Variants in WDR49 observed in about 807,000 individuals in gnomAD.
WDR49 encodes WD repeat domain 49, also known as cilia- and flagella-associated protein 337.
In WDR49, 107 loss-of-function variants were observed where a neutral mutation model predicts 119.5. The ratio of observed to expected loss-of-function variants is 0.90; its 90% CI spans 0.77 to 1.05. The LOEUF (loss-of-function observed/expected upper bound fraction) is 1.05, where lower values mean the gene tolerates loss of function less well. Among genes scored for constraint, WDR49 ranks in the 50% least tolerant of loss-of-function variants. The pLI is 0.00. For missense variants in WDR49, 1,240 were observed against 1,220.5 expected (o/e 1.02, Z -0.24); for synonymous variants, 425 against 418.8 (o/e 1.01, Z -0.18).
At chr3:167,592,593 C>T (rs562826471) in intron 7 of WDR49, among the ~76,000 whole-genome samples, 45 of 152,146 alleles carry the variant, frequency 3.0e-4, no homozygotes, top group South Asian at 8.3e-4. Context: ...CACCACCACG[C>T]CCAGCTAATT....
In WDR49 at chr3:167,527,808, C is replaced by A. The variant is rs1021252949; in HGVS notation, c.2604+12G>T. 2.5e-6 allele frequency: 4 copies of A among 1,607,986 alleles called. No individual in the cohort carries two copies. The highest frequency in any genetic ancestry group is 1.7e-5 in the Admixed American group (1 of 59,048). On this transcript the variant is annotated intron_variant, in intron 15 of 18. Coordinates refer to ENST00000682715, the MANE Select transcript of WDR49 (RefSeq NM_001366157.1). ...AGTAAATACTAGAATAATAAAGAAG[C>A]AATATTTCTACCTGACCAAAGATCC... is the stretch of plus-strand genomic sequence containing the variant.
chr3:167,632,399 A>C (rs1368853942), intron 2 of WDR49, among the ~76,000 whole-genome samples: 1 of 152,060 alleles, frequency 6.6e-6, no homozygotes, highest in Non-Finnish European at 1.5e-5. Flanking sequence ...CACTGGGGAA[A>C]GAGACAAGAA....
At chr3:167,634,670 G>C (rs1717533242) in intron 2 of WDR49, among the ~76,000 whole-genome samples, 1 of 151,566 alleles carries the variant, frequency 6.6e-6, no homozygotes, top group Admixed American at 6.6e-5. Context: ...CTAACCCTAA[G>C]TGCAAAACTT....
chr3:167,626,040 C>T (rs1245810934), intron 3 of WDR49, among the ~76,000 whole-genome samples: 1 of 151,604 alleles, frequency 6.6e-6, no homozygotes, highest in East Asian at 1.9e-4. Context: ...ATTAATAAGA[C>T]AATCAGGAAA....
intron 15 of WDR49, among the ~76,000 whole-genome samples, chr3:167,523,661 C>T: frequency 6.6e-6 from 1 of 152,034 alleles, no homozygotes; most frequent in South Asian, 2.1e-4. Flanking sequence ...GTTTTCTGTT[C>T]CTGTGTTAGT....
intron 7 of WDR49, among the ~76,000 whole-genome samples, chr3:167,594,468 G>C (rs1452276124): frequency 6.6e-6 from 1 of 152,104 alleles, no homozygotes; most frequent in Non-Finnish European, 1.5e-5. Context: ...TAGGGTATCT[G>C]GCAGAAGACA....
intron 18 of WDR49, among the ~76,000 whole-genome samples, chr3:167,496,520 T>C (rs953322384): frequency 6.6e-6 from 1 of 152,106 alleles, no homozygotes; most frequent in African/African-American, 2.4e-5. Flanking sequence ...AGCTCGGGTA[T>C]ACTCTGGTTT....
intron 17 of WDR49, among the ~76,000 whole-genome samples, chr3:167,502,008 T>A (rs771287198): frequency 6.6e-6 from 1 of 152,204 alleles, no homozygotes; most frequent in African/African-American, 2.4e-5. Flanking sequence ...GCATTGGAGA[T>A]GGGGCCTGGT....
At chr3:167,553,735 A>G (rs1016602128) in intron 10 of WDR49, among the ~76,000 whole-genome samples, 6 of 152,064 alleles carry the variant, frequency 3.9e-5, no homozygotes, top group African/African-American at 1.4e-4. Flanking sequence ...TTCACAGATG[A>G]GGATGATTGA....
chr3:167,622,263 G>A (rs1284803871), intron 3 of WDR49, among the ~76,000 whole-genome samples: 1 of 152,030 alleles, frequency 6.6e-6, no homozygotes, highest in Non-Finnish European at 1.5e-5. Context: ...GTGGCTGGGT[G>A]TGATGGCTCA....
At chr3:167,492,937 C>A (rs559769407) in intron 18 of WDR49, among the ~76,000 whole-genome samples, 1 of 151,444 alleles carries the variant, frequency 6.6e-6, no homozygotes. Flanking sequence ...CATGGAGAGG[C>A]GGATAAGATG....
chr3:167,482,095 A>G (rs1482084502), intron 18 of WDR49, among the ~76,000 whole-genome samples: 1 of 152,244 alleles, frequency 6.6e-6, no homozygotes, highest in African/African-American at 2.4e-5. Flanking sequence ...CAGTAATGTT[A>G]TTAGACTTTA....
chr3:167,518,750 T>C (rs1443964544), intron 16 of WDR49, among the ~76,000 whole-genome samples: 3 of 150,974 alleles, frequency 2.0e-5, no homozygotes, highest in Non-Finnish European at 3.0e-5. Flanking sequence ...TAGATCCCAT[T>C]TGTCAACTTT....
At chr3:167,624,253 C>T (rs1191177880) in intron 3 of WDR49, among the ~76,000 whole-genome samples, 3 of 151,034 alleles carry the variant, frequency 2.0e-5, no homozygotes, top group Non-Finnish European at 3.0e-5. Flanking sequence ...GTTTGTGAGG[C>T]TATATGCACA....
intron 18 of WDR49, among the ~76,000 whole-genome samples, chr3:167,487,365 T>C (rs778265160): frequency 5.3e-5 from 8 of 152,062 alleles, no homozygotes; most frequent in Admixed American, 3.9e-4. Flanking sequence ...TTTCAACATA[T>C]ACAAAAATTA....
At chr3:167,573,877 C>T (rs1714088275) in intron 8 of WDR49, among the ~76,000 whole-genome samples, 1 of 152,142 alleles carries the variant, frequency 6.6e-6, no homozygotes, top group South Asian at 2.1e-4. Flanking sequence ...AAAATAAACC[C>T]TCTCTCCAAA....
intron 10 of WDR49, among the ~76,000 whole-genome samples, chr3:167,537,238 C>T (rs1245258665): frequency 2.6e-5 from 4 of 152,050 alleles, no homozygotes; most frequent in Non-Finnish European, 2.9e-5. Flanking sequence ...CTTTCATAAT[C>T]GTTAACAACA....
intron 2 of WDR49, among the ~76,000 whole-genome samples, chr3:167,644,315 T>C (rs550796412): frequency 4.3e-4 from 66 of 152,232 alleles, no homozygotes; most frequent in African/African-American, 1.5e-3. Context: ...ACATTTATGT[T>C]TGCATTGAAT....
chr3:167,483,221 C>T (rs191233942), intron 18 of WDR49, among the ~76,000 whole-genome samples: 98 of 152,326 alleles, frequency 6.4e-4, no homozygotes, highest in Admixed American at 5.3e-3. Context: ...GATAACTGTA[C>T]ATCAGCAGCT....
Sources: allele counts gnomAD v4.1 joint callset (sites outside exome capture counted in the v4.1 genomes callset), GRCh38; gene constraint gnomAD v4.1.1; transcripts MANE v1.5; gene names NCBI Gene and HGNC (gene_info 2026-07-23, HGNC 2026-07-21).